Variants in HECTD2 observed in about 807,000 individuals in gnomAD.
HECTD2 encodes HECT domain E3 ubiquitin protein ligase 2, also known as probable E3 ubiquitin-protein ligase HECTD2.
In HECTD2, 35 loss-of-function variants were observed where a neutral mutation model predicts 103.2. That is an observed-to-expected ratio of 0.34 (90% CI 0.26 to 0.45). The LOEUF (loss-of-function observed/expected upper bound fraction) is 0.45, where lower values mean the gene tolerates loss of function less well. Among genes scored for constraint, HECTD2 ranks in the 20% least tolerant of loss-of-function variants. HECTD2 has a pLI of 1.00. For missense variants in HECTD2, 596 were observed against 937.4 expected (o/e 0.64, Z 4.76); for synonymous variants, 281 against 329.9 (o/e 0.85, Z 1.61).
chr10:91,466,791 C>T (rs1434214133), intron 5 of HECTD2, among the ~76,000 whole-genome samples: 4 of 152,054 alleles, frequency 2.6e-5, no homozygotes, highest in Non-Finnish European at 4.4e-5. Flanking sequence ...GTGGTACATT[C>T]CATATCATGG....
At chr10:91,414,543 T>C (rs1843044708) in intron 1 of HECTD2, among the ~76,000 whole-genome samples, 2 of 152,090 alleles carry the variant, frequency 1.3e-5, no homozygotes, top group Admixed American at 6.5e-5. Flanking sequence ...GGTTAACACA[T>C]GAAAAGCAAA....
chr10:91,503,348 C>T (rs1474579738), intron 20 of HECTD2, among the ~76,000 whole-genome samples: 1 of 152,212 alleles, frequency 6.6e-6, no homozygotes, highest in African/African-American at 2.4e-5. Context: ...GTGATTTCTG[C>T]ATTTCCATCT....
At chr10:91,454,084 T>C (rs867674236) in intron 2 of HECTD2, among the ~76,000 whole-genome samples, 37 of 152,128 alleles carry the variant, frequency 2.4e-4, no homozygotes, top group African/African-American at 8.4e-4. Context: ...CACAATTAGG[T>C]ATTGAAGTCT....
rs1847521941 is a variant in HECTD2 at position 91,514,006 on chromosome 10, G to T, written c.*1622G>T. ...CTTGGAAAGCCTAAGAGAGTTAAAGGCATCCTGGTTTTGTTTCATTTTGCT... is the reference window on the plus strand; with the variant it reads ...CTTGGAAAGCCTAAGAGAGTTAAAGTCATCCTGGTTTTGTTTCATTTTGCT... On this transcript the variant is annotated 3_prime_UTR_variant, in exon 21 of 21. Coordinates refer to ENST00000298068, the MANE Select transcript of HECTD2 (RefSeq NM_182765.6). 6.5e-6 allele frequency: 1 copy of T among 152,688 alleles called. No individual in the cohort carries two copies. The highest frequency in any genetic ancestry group is 2.1e-4 in the South Asian group (1 of 4,824). The allele number at this position is 152,688 out of a possible 1,614,324, so 9.5% of individuals were successfully genotyped here.
At chr10:91,451,775 T>G (rs1012685650) in intron 2 of HECTD2, among the ~76,000 whole-genome samples, 2 of 152,132 alleles carry the variant, frequency 1.3e-5, no homozygotes, top group African/African-American at 4.8e-5. Flanking sequence ...GGATAGATGC[T>G]TGAATAGGAG....
chr10:91,440,391 G>A (rs2133109906), intron 2 of HECTD2, among the ~76,000 whole-genome samples: 1 of 152,174 alleles, frequency 6.6e-6, no homozygotes, highest in South Asian at 2.1e-4. Flanking sequence ...ATTGACTTGT[G>A]TATGTTCAAC....
intron 5 of HECTD2, among the ~76,000 whole-genome samples, chr10:91,465,333 C>T (rs1159252381): frequency 6.6e-6 from 1 of 152,048 alleles, no homozygotes; most frequent in East Asian, 1.9e-4. Context: ...TGTGTGCATG[C>T]GAGTGTGTAT....
intron 7 of HECTD2, among the ~76,000 whole-genome samples, chr10:91,482,187 G>A (rs553908575): frequency 6.6e-6 from 1 of 151,836 alleles, no homozygotes; most frequent in Non-Finnish European, 1.5e-5. Context: ...ATCAGCTGAG[G>A]TCAGTCCCAG....
chr10:91,476,206 G>A (rs1358041570), intron 5 of HECTD2, among the ~76,000 whole-genome samples: 1 of 152,234 alleles, frequency 6.6e-6, no homozygotes, highest in South Asian at 2.1e-4. Flanking sequence ...AAGATTATGA[G>A]AGGGGATGGG....
At position 91,512,244 on chromosome 10, in the gene HECTD2, TTTTTAA is replaced by T; in HGVS notation, c.2211-15_2211-10del. ...TGTGTGTTTCAAGACTTAGTATTTT[TTTTTAA>T]TTTTTTTCCCTAGCTTACCTGTGGC... is the stretch of plus-strand genomic sequence containing the variant. On this transcript the variant is annotated splice_polypyrimidine_tract_variant and intron_variant, in intron 20 of 20. Coordinates refer to ENST00000298068, the MANE Select transcript of HECTD2 (RefSeq NM_182765.6). 1.2e-6 allele frequency: 2 copies of T among 1,606,552 alleles called. No homozygotes were observed. The highest frequency in any genetic ancestry group is 3.3e-4 in the Middle Eastern group (2 of 6,018).
intron 2 of HECTD2, among the ~76,000 whole-genome samples, chr10:91,440,378 T>C (rs542298404): frequency 1.3e-5 from 2 of 152,288 alleles, no homozygotes; most frequent in South Asian, 4.2e-4. Flanking sequence ...ATAGGTTACA[T>C]TTATTGACTT....
chr10:91,432,041 G>C (rs556164228), intron 2 of HECTD2, among the ~76,000 whole-genome samples: 1 of 151,968 alleles, frequency 6.6e-6, no homozygotes, highest in East Asian at 1.9e-4. Context: ...TGTTCTATCT[G>C]GATGCCACCT....
intron 2 of HECTD2, among the ~76,000 whole-genome samples, chr10:91,439,545 A>G (rs1844301262): frequency 6.6e-6 from 1 of 152,138 alleles, no homozygotes; most frequent in Admixed American, 6.5e-5. Flanking sequence ...CTTTTTGCTT[A>G]GGATTGTCTT....
intron 20 of HECTD2, 132 bp downstream of exon 20, chr10:91,501,466 G>A: frequency 1.9e-6 from 1 of 532,374 alleles, no homozygotes; most frequent in Non-Finnish European, 3.2e-6. Flanking sequence ...GAGTAAACAT[G>A]GCCTTGAAAT....
intron 2 of HECTD2, among the ~76,000 whole-genome samples, chr10:91,437,194 GA>G (rs1044817884): frequency 6.6e-6 from 1 of 151,936 alleles, no homozygotes; most frequent in Non-Finnish European, 1.5e-5. Flanking sequence ...GATCAGTGGG[GA>G]AAGCTCATCT....
chr10:91,493,547 T>C, intron 14 of HECTD2, 39 bp downstream of exon 14: 2 of 1,043,982 alleles, frequency 1.9e-6, no homozygotes, highest in Non-Finnish European at 2.8e-6. Context: ...GCTAATAGAT[T>C]AGAGATTTTT....
intron 1 of HECTD2, among the ~76,000 whole-genome samples, chr10:91,418,851 A>T (rs568231012): frequency 1.3e-5 from 2 of 152,230 alleles, no homozygotes; most frequent in East Asian, 3.9e-4. Flanking sequence ...TTAACTTGAA[A>T]CCTATAAATA....
chr10:91,461,766 C>T (rs1845359317), intron 4 of HECTD2, among the ~76,000 whole-genome samples: 1 of 152,096 alleles, frequency 6.6e-6, no homozygotes, highest in Non-Finnish European at 1.5e-5. Flanking sequence ...CCAGGCTGGT[C>T]TCGAACTCCC....
At chr10:91,455,454 T>C (rs1845043933) in intron 2 of HECTD2, among the ~76,000 whole-genome samples, 2 of 152,190 alleles carry the variant, frequency 1.3e-5, no homozygotes, top group Admixed American at 6.5e-5. Context: ...TTGAGTTCTT[T>C]GTAGATTCTG....
Sources: allele counts gnomAD v4.1 joint callset (sites outside exome capture counted in the v4.1 genomes callset), GRCh38; gene constraint gnomAD v4.1.1; transcripts MANE v1.5; gene names NCBI Gene and HGNC (gene_info 2026-07-23, HGNC 2026-07-21).